The following DPP4 variants were observed in gnomAD, a reference collection of about 807,000 sequenced individuals.
DPP4 encodes the protein dipeptidyl peptidase 4, also known as ADCP-2.
Under a neutral mutation model 122.4 loss-of-function variants are expected in DPP4, and 93 were observed. That is an observed-to-expected ratio of 0.76 (90% CI 0.64 to 0.90). DPP4 has a LOEUF of 0.90. Ranked by LOEUF, DPP4 falls within the 40% of genes least tolerant of loss-of-function variation. The probability of loss-of-function intolerance (pLI) is 0.00; values close to 1 mark genes in which losing one functional copy is unlikely to be tolerated. For missense variants in DPP4, 914 were observed against 907.3 expected, an observed-to-expected ratio of 1.01 and a Z score of -0.09; for synonymous variants, 321 against 302.9, an observed-to-expected ratio of 1.06 and a Z score of -0.62.
At chr2:162,017,354 A>G (rs1248915438) in intron 16 of DPP4, 199 bp from the exon 17 acceptor site, 1 of 569,482 alleles carries the variant, frequency 1.8e-6, no homozygotes, top group African/African-American at 1.9e-5. Flanking sequence ...CAGTGTAAGA[A>G]GTATTACTGG....
In DPP4 at chr2:161,993,343, T is replaced by G; in HGVS notation, c.2241A>C (p.Ala747=). The stretch of plus-strand genomic sequence containing the variant: ...TCATGTGGGTATATATATGTTGGTG[T>G]GCTGTGCTGCTAGCTATTCCATGGT... ...DEDHGIASST[A]HQHIYTHMSH... Residue 747 remains alanine, a synonymous_variant, in exon 26 of 26, where the codon GCA becomes GCC. Coordinates refer to ENST00000360534, the MANE Select transcript of DPP4 (RefSeq NM_001935.4). 4 of 1,613,818 alleles carry G rather than the reference T, an allele frequency of 2.5e-6. No individual in the cohort carries two copies. The highest frequency in any genetic ancestry group is 3.4e-6 in the Non-Finnish European group (4 of 1,179,816).
rs373293516 is a variant in DPP4, at chr2:161,993,118, C to T, written c.*165G>A. 3.5e-6 allele frequency: 2 copies of T among 568,802 alleles called. No homozygotes were observed. Among genetic ancestry groups the T allele is most frequent in the South Asian group, 2.3e-5 (1 of 42,680 alleles). 35.2% of individuals were successfully genotyped at this position (568,802 alleles called of 1,614,324 possible). A position where few individuals can be genotyped will look rare whatever the true frequency, so the allele number is the denominator to read the frequency against. Reference sequence around the variant, plus strand: ...ATAATCTGTTGTGAAGACAGAAGTCCCTACTTAAGATGATAGGTATGAAAT... The same window carrying T: ...ATAATCTGTTGTGAAGACAGAAGTCTCTACTTAAGATGATAGGTATGAAAT... On this transcript the variant is annotated 3_prime_UTR_variant, in exon 26 of 26. Coordinates refer to ENST00000360534, the MANE Select transcript of DPP4 (RefSeq NM_001935.4).
chr2:162,033,568 A>G lies in DPP4; in HGVS notation c.860T>C (p.Ile287Thr). 6.2e-7 allele frequency: 1 copy of G among 1,613,104 alleles called. No individual in the cohort carries two copies. Among genetic ancestry groups the G allele is most frequent in the Non-Finnish European group, 8.5e-7 (1 of 1,179,514 alleles). Residue 287 changes from isoleucine to threonine, a missense_variant, in exon 10 of 26, where the codon ATC becomes ACC. Coordinates refer to ENST00000360534, the MANE Select transcript of DPP4 (RefSeq NM_001935.4). ...TATCAACATAGAAGCAGGAGCAGTG[A>G]TTTGTATGGAAGTTGCATTGGTGAC... Reference protein sequence around the residue: ...SSVTNATSIQITAPASMLIGD... With the variant: ...SSVTNATSIQTTAPASMLIGD...
intron 2 of DPP4, among the ~76,000 whole-genome samples, chr2:162,055,953 A>C (rs911994349): frequency 6.6e-6 from 1 of 152,156 alleles, no homozygotes; most frequent in African/African-American, 2.4e-5. Context: ...CTGGCCACCC[A>C]GTGGCCAGAC....
At chr2:162,029,924 A>G (rs1172555545) in intron 10 of DPP4, among the ~76,000 whole-genome samples, 1 of 152,182 alleles carries the variant, frequency 6.6e-6, no homozygotes, top group East Asian at 1.9e-4. Context: ...ACACAAAGCC[A>G]TCTAGATAAC....
intron 18 of DPP4, among the ~76,000 whole-genome samples, chr2:162,014,992 T>C (rs1476699636): frequency 1.3e-5 from 2 of 152,206 alleles, no homozygotes; most frequent in Non-Finnish European, 2.9e-5. Flanking sequence ...CAGAATGAGA[T>C]CGGGTTTATA....
intron 25 of DPP4, 39 bp downstream of exon 25, chr2:161,994,922 C>A (rs183171879): frequency 1.3e-6 from 2 of 1,584,866 alleles, no homozygotes; most frequent in South Asian, 1.1e-5. Flanking sequence ...CTAGACCCCA[C>A]CAGCAACTTC....
At chr2:162,030,250 C>A (rs1322636656) in intron 10 of DPP4, among the ~76,000 whole-genome samples, 1 of 152,214 alleles carries the variant, frequency 6.6e-6, no homozygotes. Context: ...AACTTTAGCA[C>A]TAAATCAATG....
chr2:162,067,668 A>G (rs1298539605), intron 2 of DPP4, among the ~76,000 whole-genome samples: 1 of 139,084 alleles, frequency 7.2e-6, no homozygotes, highest in Non-Finnish European at 1.7e-5. Context: ...TGCTTGGCAA[A>G]TAATAAAACA....
At position 161,993,216 on chromosome 2, in the gene DPP4, C is replaced by A; in HGVS notation, c.*67G>T. 8.4e-7 allele frequency: 1 copy of A among 1,183,950 alleles called. No homozygotes were observed. The highest frequency in any genetic ancestry group is 1.3e-6 in the Non-Finnish European group (1 of 792,794). 73.3% of individuals were successfully genotyped at this position (1,183,950 alleles called of 1,614,324 possible). A position where few individuals can be genotyped will look rare whatever the true frequency, so the allele number is the denominator to read the frequency against. On this transcript the variant is annotated 3_prime_UTR_variant, in exon 26 of 26. Transcript: ENST00000360534. Reference sequence around the variant, plus strand: ...AAAGATCATCATCATCTTGACAGTGCAGTTTTGAGATAATGAAAACAAAAA... The same window carrying A: ...AAAGATCATCATCATCTTGACAGTGAAGTTTTGAGATAATGAAAACAAAAA...
chr2:162,047,629 C>CATTT, intron 2 of DPP4, 128 bp from the exon 3 acceptor site: 1 of 544,164 alleles, frequency 1.8e-6, no homozygotes, highest in Non-Finnish European at 3.1e-6. Flanking sequence ...TCACAAAATG[C>CATTT]AAGACACATT....
chr2:162,000,068 A>G (rs924925063), intron 23 of DPP4, among the ~76,000 whole-genome samples: 1 of 152,154 alleles, frequency 6.6e-6, no homozygotes, highest in Non-Finnish European at 1.5e-5. Flanking sequence ...GGCACTTGAC[A>G]TCACAACCAA....
chr2:162,046,098 C>G (rs1396827188), intron 4 of DPP4, among the ~76,000 whole-genome samples: 1 of 152,150 alleles, frequency 6.6e-6, no homozygotes, highest in East Asian at 1.9e-4. Flanking sequence ...AGAATCATAT[C>G]TATCTTTTAC....
At chr2:162,024,999 C>T (rs1242283580) in intron 10 of DPP4, 60 bp from the exon 11 acceptor site, 2 of 1,575,690 alleles carry the variant, frequency 1.3e-6, no homozygotes, top group Admixed American at 1.8e-5. Context: ...ATTGCCAGAC[C>T]TTGGTACAAA....
chr2:162,019,381 C>CA lies in DPP4; in HGVS notation c.1245-106dup, dbSNP rs1178719699. Reference sequence around the variant, plus strand: ...AGCCTAAGTGTGCACGGAGCGCGCGCACGGGTGCCCGCCGCCCTCCGCCAT... The same window carrying CA: ...AGCCTAAGTGTGCACGGAGCGCGCGCAACGGGTGCCCGCCGCCCTCCGCCAT... On this transcript the variant is annotated intron_variant, in intron 14 of 25. Coordinates refer to ENST00000360534, the MANE Select transcript of DPP4 (RefSeq NM_001935.4). 66 of 725,544 alleles carry CA rather than the reference C, an allele frequency of 9.1e-5. 1 individual carries two copies. In the East Asian group the frequency reaches 2.0e-3, roughly 22 times the overall value. 44.9% of individuals were successfully genotyped at this position (725,544 alleles called of 1,614,324 possible).
chr2:161,996,844 G>A (rs1205249590), intron 23 of DPP4, among the ~76,000 whole-genome samples: 5 of 152,016 alleles, frequency 3.3e-5, no homozygotes, highest in Non-Finnish European at 7.4e-5. Context: ...AAAAGGCCTC[G>A]GTACTATCCA....
At chr2:162,040,399 C>T (rs916337436) in intron 5 of DPP4, among the ~76,000 whole-genome samples, 9 of 151,982 alleles carry the variant, frequency 5.9e-5, no homozygotes, top group African/African-American at 1.7e-4. Context: ...AGCTATTAAG[C>T]CACAAAAAGA....
chr2:162,045,720 G>A, intron 4 of DPP4, 108 bp from the exon 5 acceptor site: 1 of 765,470 alleles, frequency 1.3e-6, no homozygotes, highest in South Asian at 1.7e-5. Context: ...TTGTGCTTTG[G>A]GAAGTCCTAA....
At chr2:161,998,411 A>G (rs1419874998) in intron 23 of DPP4, among the ~76,000 whole-genome samples, 1 of 151,936 alleles carries the variant, frequency 6.6e-6, no homozygotes, top group Non-Finnish European at 1.5e-5. Flanking sequence ...CTCCAAATTA[A>G]ATTTAGCTCT....
Sources: allele counts gnomAD v4.1 joint callset (sites outside exome capture counted in the v4.1 genomes callset), GRCh38; gene constraint gnomAD v4.1.1; transcripts MANE v1.5; gene names NCBI Gene and HGNC (gene_info 2026-07-23, HGNC 2026-07-21).